VRK1: variants seen among roughly 807,000 people sequenced by gnomAD.
VRK1 encodes serine/threonine-protein kinase VRK1.
VRK1 carries 33 observed loss-of-function variants against 57.1 expected under a neutral mutation model. The ratio of observed to expected loss-of-function variants is 0.58; its 90% confidence interval spans 0.44 to 0.77. VRK1 has a LOEUF of 0.77. Ranked by LOEUF, VRK1 falls within the 30% of genes least tolerant of loss-of-function variation. The pLI, the probability that VRK1 is intolerant of heterozygous loss-of-function variation, is 0.00. For missense variants in VRK1, 413 were observed against 477.3 expected, an observed-to-expected ratio of 0.87 and a Z score of 1.25; for synonymous variants, 137 against 147.8, an observed-to-expected ratio of 0.93 and a Z score of 0.53.
intron 11 of VRK1, among the ~76,000 whole-genome samples, chr14:96,865,321 C>G (rs577142460): frequency 6.6e-6 from 1 of 152,144 alleles, no homozygotes; most frequent in Non-Finnish European, 1.5e-5. Flanking sequence ...CGTGTCCTTA[C>G]AGCATTGCAG....
At chr14:96,844,201 A>G (rs867359461) in intron 3 of VRK1, among the ~76,000 whole-genome samples, 71 of 152,314 alleles carry the variant, frequency 4.7e-4, no homozygotes, top group African/African-American at 1.5e-3. Flanking sequence ...AAACACTGCA[A>G]GTGTCTCTTG....
chr14:96,862,485 C>T (rs1317767827), intron 11 of VRK1, among the ~76,000 whole-genome samples: 1 of 145,496 alleles, frequency 6.9e-6, no homozygotes, highest in African/African-American at 2.5e-5. Flanking sequence ...AGCCATGTAA[C>T]TGAAGTGAGT....
chr14:96,802,883 A>G (rs1402694427), intron 1 of VRK1, among the ~76,000 whole-genome samples: 1 of 152,214 alleles, frequency 6.6e-6, no homozygotes, highest in Non-Finnish European at 1.5e-5. Flanking sequence ...TATGAACATT[A>G]ATGTACAGGT....
chr14:96,876,009 CTCTT>C lies in VRK1; in HGVS notation c.1069-19_1069-16del, dbSNP rs1218790861. ...TTGACTGTCAGATATCTCTCTCTCT[CTCTT>C]TAATTTTATATGTAAGAAGCGAAAG... On this transcript the variant is annotated splice_polypyrimidine_tract_variant and intron_variant, in intron 11 of 12. Coordinates refer to ENST00000216639, the MANE Select transcript of VRK1 (RefSeq NM_003384.3). 1.9e-6 allele frequency: 3 copies of C among 1,609,888 alleles called. No individual in the cohort carries two copies. The highest frequency in any genetic ancestry group is 1.7e-5 in the Admixed American group (1 of 59,910).
Position 96,856,209 on chromosome 14 carries a change from T to G in VRK1, c.789T>G (p.Asp263Glu). ...TTACTGGCCATCTTCCTTGGGAGGA[T>G]AATTTGAAAGATCCTAAATATGTTA... ...QWLTGHLPWE[D>E]NLKDPKYVRD... Residue 263 changes from aspartate (D) to glutamate (E), a missense_variant, in exon 9 of 13, where the codon GAT becomes GAG. By Grantham distance (45) the Asp-to-Glu change is conservative. This residue lies in a region of VRK1 where 151 missense variants were observed against 225.5 expected (regional missense o/e 0.67). Transcript: ENST00000216639. The G allele has an allele frequency of 6.2e-7, 1 of 1,613,758 alleles. No individual in the cohort carries two copies. The highest frequency in any genetic ancestry group is 1.3e-5 in the African/African-American group (1 of 75,050).
At chr14:96,837,913 T>G in intron 3 of VRK1, 96 bp downstream of exon 3, 1 of 739,954 alleles carries the variant, frequency 1.4e-6, no homozygotes, top group Non-Finnish European at 2.1e-6. Flanking sequence ...AATTAAACCA[T>G]AAGATACTAC....
rs566987608 is a variant in VRK1, at chr14:96,809,570, C to CTTTTTTTT, written c.-6+12134_-6+12141dup. ...TCTAGCTTGCTTGCTTGCTTGCTTT[C>CTTTTTTTT]TTTTTTTTTTTTTTTTTTCTGAAAC... On this transcript the variant is annotated intron_variant, in intron 1 of 12. Transcript: ENST00000216639. Among the ~76,000 whole-genome samples, 15 of 128,516 alleles carry CTTTTTTTT rather than the reference C, an allele frequency of 1.2e-4. 1 individual carries two copies. The highest frequency in any genetic ancestry group is 2.5e-4 in the South Asian group (1 of 4,024). The allele number at this position is 128,516 out of a possible 152,430, so 84.3% of individuals were successfully genotyped here.
intron 1 of VRK1, among the ~76,000 whole-genome samples, chr14:96,827,149 T>C (rs887634949): frequency 2.0e-5 from 3 of 151,910 alleles, no homozygotes; most frequent in Non-Finnish European, 2.9e-5. Flanking sequence ...TTCTGTCTGG[T>C]GGTCGCACAA....
chr14:96,865,625 C>T (rs1020425388), intron 11 of VRK1, among the ~76,000 whole-genome samples: 2 of 152,212 alleles, frequency 1.3e-5, no homozygotes, highest in Non-Finnish European at 2.9e-5. Flanking sequence ...GACATCTTCT[C>T]TTCCATAGCC....
intron 11 of VRK1, among the ~76,000 whole-genome samples, chr14:96,862,855 A>T (rs544147047): frequency 1.3e-5 from 2 of 152,284 alleles, no homozygotes; most frequent in Admixed American, 1.3e-4. Context: ...GTTTGTCATA[A>T]TTTTTGAAAG....
intron 5 of VRK1, among the ~76,000 whole-genome samples, chr14:96,847,898 C>T (rs1294772106): frequency 6.6e-6 from 1 of 152,134 alleles, no homozygotes; most frequent in Non-Finnish European, 1.5e-5. Flanking sequence ...CTTAGGAGTT[C>T]AGAGAATGGA....
chr14:96,830,376 GA>G (rs1334752614), intron 1 of VRK1, among the ~76,000 whole-genome samples: 1 of 151,448 alleles, frequency 6.6e-6, no homozygotes, highest in Non-Finnish European at 1.5e-5. Flanking sequence ...GGTCCTTTTT[GA>G]TTTTTTTGTT....
intron 1 of VRK1, among the ~76,000 whole-genome samples, chr14:96,824,606 C>T (rs1415671589): frequency 6.6e-6 from 1 of 150,438 alleles, no homozygotes; most frequent in Non-Finnish European, 1.5e-5. Context: ...AGACATTTGG[C>T]ATTGAAAGGG....
chr14:96,867,900 A>G (rs752023250), intron 11 of VRK1, among the ~76,000 whole-genome samples: 11 of 151,982 alleles, frequency 7.2e-5, no homozygotes, highest in African/African-American at 1.2e-4. Flanking sequence ...AGTAATTATG[A>G]GACTTTTTTA....
At chr14:96,833,415 T>C in intron 1 of VRK1, 52 bp from the exon 2 acceptor site, 2 of 1,607,080 alleles carry the variant, frequency 1.2e-6, no homozygotes, top group Admixed American at 3.3e-5. Context: ...GAAAAATGTT[T>C]TAAACACTTC....
At chr14:96,846,062 A>G (rs1887672325) in intron 3 of VRK1, 33 bp from the exon 4 acceptor site, 1 of 1,556,910 alleles carries the variant, frequency 6.4e-7, no homozygotes, top group Non-Finnish European at 8.9e-7. Context: ...AATTTTAACT[A>G]CTGCTAGTAC....
At chr14:96,859,723 C>A (rs532862882) in intron 10 of VRK1, among the ~76,000 whole-genome samples, 1 of 152,150 alleles carries the variant, frequency 6.6e-6, no homozygotes, top group East Asian at 1.9e-4. Context: ...AGAAATGATT[C>A]AAGGGTGACT....
intron 1 of VRK1, among the ~76,000 whole-genome samples, chr14:96,831,894 T>C (rs181922722): frequency 2.0e-5 from 3 of 152,324 alleles, no homozygotes; most frequent in Non-Finnish European, 4.4e-5. Flanking sequence ...TTTACTACCA[T>C]AGGTGTAAAA....
chr14:96,850,269 A>G (rs1160041958), intron 5 of VRK1, among the ~76,000 whole-genome samples: 1 of 152,182 alleles, frequency 6.6e-6, no homozygotes, highest in African/African-American at 2.4e-5. Flanking sequence ...TTTTCCTTGT[A>G]ACTCATTTGA....
Sources: gnomAD v4.1 joint callset for allele counts (sites outside exome capture counted in the v4.1 genomes callset) on GRCh38, gnomAD v4.1.1 for gene constraint, gnomAD v4.1.1 regional missense constraint, MANE v1.5 for transcripts, NCBI Gene and HGNC (gene_info 2026-07-23, HGNC 2026-07-21) for gene names.